The following RBMS1 variants were observed in gnomAD, a reference collection of about 807,000 sequenced individuals.
The protein encoded by RBMS1 is RNA binding motif single stranded interacting protein 1.
RBMS1 carries 17 observed loss-of-function variants against 62.3 expected under a neutral mutation model. The ratio of observed to expected loss-of-function variants is 0.27; its 90% CI spans 0.19 to 0.41. The LOEUF is 0.41. Ranked by LOEUF, RBMS1 falls within the 10% of genes least tolerant of loss-of-function variation. The probability of loss-of-function intolerance (pLI) is 1.00; values close to 1 mark genes in which losing one functional copy is unlikely to be tolerated. For missense variants in RBMS1, 334 were observed against 504.5 expected (o/e 0.66, Z 3.24); for synonymous variants, 172 against 170.0 (o/e 1.01, Z -0.09).
chr2:160,422,732 A>G (rs1383515705), intron 1 of RBMS1, among the ~76,000 whole-genome samples: 2 of 151,554 alleles, frequency 1.3e-5, no homozygotes, highest in East Asian at 1.9e-4. Context: ...TAGCCCTTTC[A>G]TCCTATCTTT....
chr2:160,474,296 G>T (rs1254215234), intron 1 of RBMS1, among the ~76,000 whole-genome samples: 1 of 152,164 alleles, frequency 6.6e-6, no homozygotes, highest in Non-Finnish European at 1.5e-5. Flanking sequence ...TGTTTAAAGG[G>T]ACATGTTCAT....
chr2:160,424,285 C>T (rs1696553977), intron 1 of RBMS1, among the ~76,000 whole-genome samples: 1 of 151,098 alleles, frequency 6.6e-6, no homozygotes, highest in African/African-American at 2.4e-5. Flanking sequence ...TCCCAAAGTG[C>T]TGGCATTACA....
chr2:160,379,222 A>T (rs1460456626), intron 1 of RBMS1, among the ~76,000 whole-genome samples: 1 of 84,770 alleles, frequency 1.2e-5, no homozygotes, highest in African/African-American at 3.0e-5. Context: ...AACCTGTCTT[A>T]AAAAAAAAAA....
At chr2:160,447,364 G>A (rs1683698616) in intron 1 of RBMS1, among the ~76,000 whole-genome samples, 1 of 152,106 alleles carries the variant, frequency 6.6e-6, no homozygotes, top group African/African-American at 2.4e-5. Context: ...CAAACTTACT[G>A]CAAAGAAGCT....
intron 2 of RBMS1, among the ~76,000 whole-genome samples, chr2:160,340,299 G>A (rs757096601): frequency 6.6e-6 from 1 of 152,006 alleles, no homozygotes; most frequent in Non-Finnish European, 1.5e-5. Context: ...CTCAATTCCA[G>A]TGACAGCTTT....
chr2:160,420,276 T>G (rs918892902), intron 1 of RBMS1, among the ~76,000 whole-genome samples: 1 of 152,160 alleles, frequency 6.6e-6, no homozygotes, highest in Non-Finnish European at 1.5e-5. Flanking sequence ...TGGCTGCCCA[T>G]GAACTCACTC....
At chr2:160,485,590 G>A (rs889588835) in intron 1 of RBMS1, among the ~76,000 whole-genome samples, 8 of 151,674 alleles carry the variant, frequency 5.3e-5, no homozygotes, top group Non-Finnish European at 1.5e-5. Flanking sequence ...AATGACAAGC[G>A]AACTGTTTGG....
At chr2:160,280,332 T>C (rs1379345) in intron 10 of RBMS1, among the ~76,000 whole-genome samples, 87,121 of 152,020 alleles carry the variant, frequency 0.57, 25,300 homozygotes, top group Middle Eastern at 0.66. Flanking sequence ...ACAAAACGTA[T>C]ACATATATCA....
At chr2:160,481,040 C>T (rs1369041050) in intron 1 of RBMS1, among the ~76,000 whole-genome samples, 2 of 148,552 alleles carry the variant, frequency 1.3e-5, no homozygotes, top group African/African-American at 5.0e-5. Flanking sequence ...TAGATCACGC[C>T]ACTGCACTCC....
At chr2:160,451,165 A>AT (rs1559567494) in intron 1 of RBMS1, among the ~76,000 whole-genome samples, 44 of 151,348 alleles carry the variant, frequency 2.9e-4, no homozygotes, top group African/African-American at 8.7e-4. Context: ...TCAGAAAAAA[A>AT]AAAATAAATA....
chr2:160,348,234 T>G (rs925842711), intron 2 of RBMS1, among the ~76,000 whole-genome samples: 2 of 152,106 alleles, frequency 1.3e-5, no homozygotes, highest in African/African-American at 4.8e-5. Flanking sequence ...AACAAGGTAT[T>G]TTAAAGGTGT....
intron 1 of RBMS1, among the ~76,000 whole-genome samples, chr2:160,456,011 T>A (rs946546669): frequency 6.6e-6 from 1 of 152,172 alleles, no homozygotes; most frequent in Admixed American, 6.5e-5. Flanking sequence ...GGGCAGTGAT[T>A]TATCCATGAT....
intron 2 of RBMS1, among the ~76,000 whole-genome samples, chr2:160,318,771 T>C (rs1234493015): frequency 6.6e-6 from 1 of 152,232 alleles, no homozygotes; most frequent in Non-Finnish European, 1.5e-5. Context: ...CTTAATGGTG[T>C]CAAACAGATC....
At chr2:160,290,028 A>G (rs944900358) in intron 6 of RBMS1, among the ~76,000 whole-genome samples, 5 of 143,128 alleles carry the variant, frequency 3.5e-5, no homozygotes, top group Non-Finnish European at 7.6e-5. Flanking sequence ...AAAACAAACA[A>G]AACACACTGA....
At chr2:160,474,747 T>C (rs181050895) in intron 1 of RBMS1, among the ~76,000 whole-genome samples, 1 of 152,356 alleles carries the variant, frequency 6.6e-6, no homozygotes, top group Admixed American at 6.5e-5. Flanking sequence ...ATCTCTGATA[T>C]AATTCTTATG....
chr2:160,405,779 A>C (rs1302746369), intron 1 of RBMS1, among the ~76,000 whole-genome samples: 1 of 152,142 alleles, frequency 6.6e-6, no homozygotes, highest in Non-Finnish European at 1.5e-5. Context: ...CCAGCCCCTC[A>C]CAGCCAAAGG....
chr2:160,382,612 CCACATCTGGT>C (rs1008233003), intron 1 of RBMS1, among the ~76,000 whole-genome samples: 1 of 152,166 alleles, frequency 6.6e-6, no homozygotes, highest in Admixed American at 6.5e-5. Context: ...TTGGTAATGG[CCACATCTGGT>C]CAGGCAGTTG....
chr2:160,426,282 A>T (rs1206725223), intron 1 of RBMS1, among the ~76,000 whole-genome samples: 1 of 111,694 alleles, frequency 9.0e-6, no homozygotes, highest in African/African-American at 3.7e-5. Flanking sequence ...AGAAAGAAAG[A>T]AAGAAAGAAA....
rs770009693 is a variant in RBMS1 at position 160,274,605 on chromosome 2, A to C, written c.*167T>G. On this transcript the variant is annotated 3_prime_UTR_variant, in exon 14 of 14. Coordinates refer to ENST00000348849, the MANE Select transcript of RBMS1 (RefSeq NM_016836.4). ...TTTAAGGGTTTTATGCACCTTATAG[A>C]ACTTATAGCAAAAATAGTTTTAGTT... 61 of 152,002 alleles carry C rather than the reference A, an allele frequency of 4.0e-4. No homozygotes were observed. Among genetic ancestry groups the C allele is most frequent in the Admixed American group, 5.3e-4 (8 of 15,196 alleles). The allele number at this position is 152,002 out of a possible 1,614,324, so 9.4% of individuals were successfully genotyped here. A position where few individuals can be genotyped will look rare whatever the true frequency, so the allele number is the denominator to read the frequency against.
Sources: gnomAD v4.1 joint callset for allele counts (sites outside exome capture counted in the v4.1 genomes callset) on GRCh38, gnomAD v4.1.1 for gene constraint, MANE v1.5 for transcripts, NCBI Gene and HGNC (gene_info 2026-07-23, HGNC 2026-07-21) for gene names.